The following HBS1L variants were observed in gnomAD, a reference collection of about 807,000 sequenced individuals.
The protein encoded by HBS1L is HBS1-like protein.
In HBS1L, 55 loss-of-function variants were observed where a neutral mutation model predicts 88.9. The ratio of observed to expected loss-of-function variants is 0.62; its 90% CI spans 0.50 to 0.77. The LOEUF (loss-of-function observed/expected upper bound fraction) is 0.77. HBS1L is among the 30% of genes least tolerant of loss of function. The pLI is 0.00. For missense variants in HBS1L, 741 were observed against 829.3 expected (o/e 0.89, Z 1.31); for synonymous variants, 267 against 288.5 (o/e 0.93, Z 0.76).
chr6:134,965,087 G>T lies in HBS1L; in HGVS notation c.*192C>A. On this transcript the variant is annotated 3_prime_UTR_variant, in exon 18 of 18. Coordinates refer to ENST00000367837, the MANE Select transcript of HBS1L (RefSeq NM_006620.4). Reference sequence around the variant, plus strand: ...TTGTTTTTAACATTAGACTTTCTTTGCCAGTTGGCAACTTAGAATTTTTGC... The same window carrying T: ...TTGTTTTTAACATTAGACTTTCTTTTCCAGTTGGCAACTTAGAATTTTTGC... 2 of 589,448 alleles carry T rather than the reference G, an allele frequency of 3.4e-6. No homozygotes were observed. Among genetic ancestry groups the T allele is most frequent in the East Asian group, 3.0e-5 (1 of 33,300 alleles). The allele number at this position is 589,448 out of a possible 1,614,324, so 36.5% of individuals were successfully genotyped here. A position where few individuals can be genotyped will look rare whatever the true frequency, so the allele number is the denominator to read the frequency against.
At chr6:135,036,262 A>C in intron 4 of HBS1L, 10 of 976,632 alleles carry the variant, frequency 1.0e-5, no homozygotes, top group Non-Finnish European at 1.2e-5. Flanking sequence ...AAAACATAGA[A>C]AGTTGAATGC....
intron 4 of HBS1L, chr6:135,036,397 T>TAA: frequency 4.1e-6 from 5 of 1,220,556 alleles, no homozygotes; most frequent in Non-Finnish European, 2.1e-6. Flanking sequence ...AAGACATAGT[T>TAA]AAAAAAAAAA....
At chr6:134,991,768 C>T (rs1402466439) in intron 8 of HBS1L, among the ~76,000 whole-genome samples, 1 of 152,060 alleles carries the variant, frequency 6.6e-6, no homozygotes, top group Non-Finnish European at 1.5e-5. Context: ...AACAAATGTT[C>T]ATGTTAAAAT....
At chr6:134,983,542 A>T (rs1774892816) in intron 12 of HBS1L, 1 of 152,140 alleles carries the variant, frequency 6.6e-6, no homozygotes, top group Non-Finnish European at 1.5e-5. Context: ...GGCTTGGTAA[A>T]TCTGAAGTGT....
intron 4 of HBS1L, among the ~76,000 whole-genome samples, chr6:135,024,959 G>C (rs1562303298): frequency 6.6e-6 from 1 of 152,056 alleles, no homozygotes; most frequent in Admixed American, 6.6e-5. Context: ...ACCATTATAC[G>C]TAAGCTCCTA....
chr6:134,990,438 G>T (rs1327648320), intron 8 of HBS1L, among the ~76,000 whole-genome samples: 1 of 152,140 alleles, frequency 6.6e-6, no homozygotes, highest in East Asian at 1.9e-4. Context: ...TGTCCCCAAA[G>T]CCCACTGCAA....
In HBS1L at chr6:135,036,518, T is replaced by C. The variant is rs758238558; in HGVS notation, c.430+3055A>G. On this transcript the variant is annotated intron_variant, in intron 4 of 17. Transcript: ENST00000367837. ...ATCCTCTGAAGACTTTAATTAAAAA[T>C]AAAAAGCTCTACAACAGCAATCAAG... is the stretch of plus-strand genomic sequence containing the variant. 9.1e-5 allele frequency: 128 copies of C among 1,409,982 alleles called. No homozygotes were observed. The African/African-American group carries it at 1.5e-3, about 17-fold the overall frequency. The allele number at this position is 1,409,982 out of a possible 1,614,324, so 87.3% of individuals were successfully genotyped here.
intron 4 of HBS1L, among the ~76,000 whole-genome samples, chr6:135,031,734 T>C (rs1438985136): frequency 6.6e-6 from 1 of 152,108 alleles, no homozygotes; most frequent in Non-Finnish European, 1.5e-5. Flanking sequence ...TTGTTCATCT[T>C]GGGTTATATC....
At chr6:134,999,445 TTTC>T (rs1454200525) in intron 5 of HBS1L, among the ~76,000 whole-genome samples, 9 of 122,258 alleles carry the variant, frequency 7.4e-5, no homozygotes, top group African/African-American at 2.6e-4. Flanking sequence ...ATCTTTTTCT[TTTC>T]TTTTTTTTTT....
chr6:135,045,753 T>C (rs922740146), intron 2 of HBS1L, among the ~76,000 whole-genome samples: 4 of 151,804 alleles, frequency 2.6e-5, no homozygotes, highest in Non-Finnish European at 5.9e-5. Context: ...GAGAACTGCT[T>C]GAACCTGGGA....
At position 135,041,314 on chromosome 6, in the gene HBS1L, CTG is replaced by C. The variant is rs149113606; in HGVS notation, c.235+685_235+686del. 5.6e-3 allele frequency among the ~76,000 whole-genome samples: 856 copies of C among 151,874 alleles called. 35 individuals are homozygous for C. Among genetic ancestry groups the C allele is most frequent in the Admixed American group, 0.049 (750 of 15,264 alleles). ...TTGATAAATACATCAATTATTGAAACTGTAACAAAATAGTATAGCTAGCTAGC... is the reference window on the plus strand; with the variant it reads ...TTGATAAATACATCAATTATTGAAACTAACAAAATAGTATAGCTAGCTAGC... On this transcript the variant is annotated intron_variant, in intron 3 of 17. Transcript: ENST00000367837.
At chr6:135,009,791 G>A (rs1005467153) in intron 4 of HBS1L, among the ~76,000 whole-genome samples, 5 of 140,358 alleles carry the variant, frequency 3.6e-5, no homozygotes, top group Admixed American at 7.3e-5. Flanking sequence ...CCGCCACTGC[G>A]CCCAGCTAAT....
rs554179805 is a variant in HBS1L at position 134,995,517 on chromosome 6, C to A, written c.965+1260G>T. Among the ~76,000 whole-genome samples the A allele has an allele frequency of 2.6e-5, 4 of 151,940 alleles. No homozygotes were observed. The South Asian group carries it at 8.3e-4, about 32-fold the overall frequency. Reference sequence around the variant, plus strand: ...TTATCAAAAAAGCTAAAATGACTGACCATTATAGGAATCAAATAGATTATT... The same window carrying A: ...TTATCAAAAAAGCTAAAATGACTGAACATTATAGGAATCAAATAGATTATT... On this transcript the variant is annotated intron_variant, in intron 7 of 17. Transcript: ENST00000367837.
chr6:134,997,317 CAG>C (rs1775317656), intron 6 of HBS1L, 78 bp downstream of exon 6: 6 of 1,542,856 alleles, frequency 3.9e-6, no homozygotes, highest in Non-Finnish European at 4.4e-6. Flanking sequence ...TGGAGAAACT[CAG>C]AGTTTCCATG....
chr6:134,995,020 G>T (rs930717389), intron 7 of HBS1L, among the ~76,000 whole-genome samples: 3 of 152,062 alleles, frequency 2.0e-5, no homozygotes, highest in Non-Finnish European at 4.4e-5. Context: ...AGCCATTTTA[G>T]CTTAATCTGA....
intron 4 of HBS1L, chr6:135,036,331 T>A: frequency 1.8e-6 from 2 of 1,117,394 alleles, no homozygotes; most frequent in Non-Finnish European, 2.2e-6. Context: ...ATCCACTTTG[T>A]AAACATATAC....
chr6:135,048,915 G>T (rs1454872077), intron 2 of HBS1L, among the ~76,000 whole-genome samples: 1 of 152,192 alleles, frequency 6.6e-6, no homozygotes, highest in Admixed American at 6.5e-5. Flanking sequence ...GGAAAAGGAT[G>T]ACAGAGTAGA....
intron 4 of HBS1L, among the ~76,000 whole-genome samples, chr6:135,009,042 G>T (rs971366799): frequency 1.3e-5 from 2 of 152,076 alleles, no homozygotes; most frequent in African/African-American, 2.4e-5. Flanking sequence ...ACCTCCCAAA[G>T]TTGAGATATA....
At chr6:135,029,705 T>G (rs927991641) in intron 4 of HBS1L, among the ~76,000 whole-genome samples, 1 of 152,124 alleles carries the variant, frequency 6.6e-6, no homozygotes, top group East Asian at 1.9e-4. Flanking sequence ...CATTTATTAT[T>G]AGCAATAACA....
Sources: gnomAD v4.1 joint callset for allele counts (sites outside exome capture counted in the v4.1 genomes callset) on GRCh38, gnomAD v4.1.1 for gene constraint, MANE v1.5 for transcripts, NCBI Gene and HGNC (gene_info 2026-07-23, HGNC 2026-07-21) for gene names.